CNTN1: variants seen among roughly 807,000 people sequenced by gnomAD.
CNTN1 encodes the protein contactin 1.
CNTN1 carries 38 observed loss-of-function variants against 126.4 expected under a neutral mutation model. That is an observed-to-expected ratio of 0.30 (90% CI 0.23 to 0.39). CNTN1 has a LOEUF of 0.39. Among genes scored for constraint, CNTN1 ranks in the 10% least tolerant of loss-of-function variants. The pLI, the probability that CNTN1 is intolerant of heterozygous loss-of-function variation, is 1.00. For synonymous variants in CNTN1, 413 were observed against 422.6 expected (o/e 0.98, Z 0.28); for missense variants, 1,009 against 1,248.4 (o/e 0.81, Z 2.89).
rs748527797 is a variant in CNTN1, at chr12:41,069,928, A to G, written c.2981-31A>G. On this transcript the variant is annotated intron_variant, in intron 23 of 23. Transcript: ENST00000551295. ...AGCAATAGTGACATGTATCAATGAAATAATATGCACACTTTTGGTTTACCT... is the reference window on the plus strand; with the variant it reads ...AGCAATAGTGACATGTATCAATGAAGTAATATGCACACTTTTGGTTTACCT... The G allele has an allele frequency of 4.4e-6, 7 of 1,576,112 alleles. No individual in the cohort carries two copies. In the South Asian group the frequency reaches 5.5e-5, roughly 12 times the overall value.
At chr12:41,025,034 A>C in intron 20 of CNTN1, 116 bp from the exon 21 acceptor site, 4 of 1,014,330 alleles carry the variant, frequency 3.9e-6, no homozygotes, top group Non-Finnish European at 6.2e-6. Context: ...ATTAAGAAAC[A>C]TTTGAAAATA....
rs934357138 is a variant in CNTN1 at position 40,918,893 on chromosome 12, A to G, written c.227+122A>G. The stretch of plus-strand genomic sequence containing the variant: ...GCAAATTCCATGGACATTAACAAAA[A>G]TATTGGCATACAAACTATTAAAAAA... On this transcript the variant is annotated intron_variant, in intron 4 of 23. Coordinates refer to ENST00000551295, the MANE Select transcript of CNTN1 (RefSeq NM_001843.4). The G allele has an allele frequency of 5.9e-6, 7 of 1,193,750 alleles. No homozygotes were observed. In the African/African-American group the frequency reaches 1.1e-4, roughly 18 times the overall value. The allele number at this position is 1,193,750 out of a possible 1,614,324, so 73.9% of individuals were successfully genotyped here. A position where few individuals can be genotyped will look rare whatever the true frequency, so the allele number is the denominator to read the frequency against.
intron 1 of CNTN1, among the ~76,000 whole-genome samples, chr12:40,835,216 C>A (rs898102535): frequency 6.6e-6 from 1 of 152,172 alleles, no homozygotes; most frequent in Non-Finnish European, 1.5e-5. Context: ...GACTTACCTA[C>A]CCTTAAATCA....
intron 1 of CNTN1, among the ~76,000 whole-genome samples, chr12:40,901,316 A>T (rs1592227190): frequency 1.3e-5 from 2 of 152,360 alleles, no homozygotes; most frequent in Admixed American, 1.3e-4. Flanking sequence ...AAAAATTAGC[A>T]TATTTTTAAT....
intron 1 of CNTN1, among the ~76,000 whole-genome samples, chr12:40,860,869 G>A (rs1389584956): frequency 6.6e-6 from 1 of 152,016 alleles, no homozygotes; most frequent in Non-Finnish European, 1.5e-5. Flanking sequence ...TTCTAATCAA[G>A]GCTTGGTATT....
chr12:41,061,253 G>T (rs1303393397), intron 23 of CNTN1, among the ~76,000 whole-genome samples: 1 of 152,180 alleles, frequency 6.6e-6, no homozygotes, highest in East Asian at 1.9e-4. Context: ...AAAGCTAGAA[G>T]TTGCTTTTAT....
At chr12:40,789,349 A>G (rs918334787) in intron 1 of CNTN1, among the ~76,000 whole-genome samples, 1 of 152,178 alleles carries the variant, frequency 6.6e-6, no homozygotes, top group African/African-American at 2.4e-5. Context: ...TTTCTCAGAA[A>G]TGGTGAGGCA....
At chr12:40,983,052 G>T (rs1049564884) in intron 16 of CNTN1, among the ~76,000 whole-genome samples, 1 of 151,990 alleles carries the variant, frequency 6.6e-6, no homozygotes, top group Non-Finnish European at 1.5e-5. Context: ...TAACAAACCT[G>T]CACATTGTGC....
At chr12:40,905,467 G>T (rs953548351) in intron 1 of CNTN1, among the ~76,000 whole-genome samples, 1 of 152,070 alleles carries the variant, frequency 6.6e-6, no homozygotes, top group Non-Finnish European at 1.5e-5. Flanking sequence ...TAGCAACACT[G>T]CAGTAGCATC....
intron 1 of CNTN1, among the ~76,000 whole-genome samples, chr12:40,862,679 T>C (rs1238636843): frequency 1.3e-5 from 2 of 152,196 alleles, no homozygotes; most frequent in African/African-American, 2.4e-5. Flanking sequence ...CCTTCAGTGA[T>C]TGTATGCTGT....
intron 1 of CNTN1, among the ~76,000 whole-genome samples, chr12:40,730,753 C>A (rs1202032311): frequency 6.6e-6 from 1 of 152,044 alleles, no homozygotes; most frequent in South Asian, 2.1e-4. Context: ...GTGTCTGAGG[C>A]CTTATTGTTT....
chr12:41,029,153 T>G lies in CNTN1; in HGVS notation c.2914T>G (p.Tyr972Asp), dbSNP rs1205102152. 2 of 1,613,976 alleles carry G rather than the reference T, an allele frequency of 1.2e-6. No homozygotes were observed. The highest frequency in any genetic ancestry group is 2.7e-5 in the African/African-American group (2 of 74,900). Residue 972 changes from tyrosine to aspartate, a missense_variant, in exon 23 of 24, where the codon TAC becomes GAC. Physicochemically the swap from Tyr to Asp is radical, Grantham distance 160. Transcript: ENST00000551295. ...AGTCCCAATCCCCAGAGATGGAGAA[T>G]ACGTTGTGGAGGTTCGCGCGCACAG... ...IEVPIPRDGE[Y>D]VVEVRAHSDG...
At position 40,721,838 on chromosome 12, in the gene CNTN1, G is replaced by A. The variant is rs557822977; in HGVS notation, c.-77+29246G>A. ...GTCCTTGCGATAGTTTACTGAGAAT[G>A]ACGATTTCCAATTTCATCCATGTCC... is the stretch of plus-strand genomic sequence containing the variant. On this transcript the variant is annotated intron_variant, in intron 1 of 23. Transcript: ENST00000551295. 5.2e-4 allele frequency among the ~76,000 whole-genome samples: 79 copies of A among 151,038 alleles called. 2 individuals carry two copies. The South Asian group carries it at 0.016, about 31-fold the overall frequency.
intron 1 of CNTN1, among the ~76,000 whole-genome samples, chr12:40,697,009 T>C (rs1941467074): frequency 6.6e-6 from 1 of 152,232 alleles, no homozygotes. Context: ...TTACTATCCA[T>C]GTGTTTTTTG....
intron 15 of CNTN1, among the ~76,000 whole-genome samples, chr12:40,973,962 G>A (rs1338631668): frequency 6.6e-6 from 1 of 152,160 alleles, no homozygotes; most frequent in Non-Finnish European, 1.5e-5. Flanking sequence ...CTTACTATGT[G>A]TGAATGGTCA....
chr12:40,842,468 C>T (rs2136587151), intron 1 of CNTN1, among the ~76,000 whole-genome samples: 1 of 152,158 alleles, frequency 6.6e-6, no homozygotes, highest in East Asian at 1.9e-4. Flanking sequence ...CTGATTTGAT[C>T]ATCACACATT....
At chr12:41,006,872 T>C (rs1256098084) in intron 17 of CNTN1, among the ~76,000 whole-genome samples, 1 of 152,124 alleles carries the variant, frequency 6.6e-6, no homozygotes, top group East Asian at 1.9e-4. Flanking sequence ...GTGCCCAGAT[T>C]GCAGGAACAA....
intron 1 of CNTN1, among the ~76,000 whole-genome samples, chr12:40,882,994 G>C (rs1369135087): frequency 6.6e-6 from 1 of 151,490 alleles, no homozygotes; most frequent in Non-Finnish European, 1.5e-5. Flanking sequence ...TCGTCTTTCA[G>C]TAATTATTCC....
chr12:40,912,360 C>T (rs1169858614), intron 3 of CNTN1, among the ~76,000 whole-genome samples: 1 of 150,392 alleles, frequency 6.6e-6, no homozygotes, highest in Non-Finnish European at 1.5e-5. Context: ...ATTTTAGATG[C>T]TTTTTTCCAC....
Sources: gnomAD v4.1 joint callset for allele counts (sites outside exome capture counted in the v4.1 genomes callset) on GRCh38, gnomAD v4.1.1 for gene constraint, MANE v1.5 for transcripts, NCBI Gene and HGNC (gene_info 2026-07-23, HGNC 2026-07-21) for gene names.